Variants in SLAMF6 observed in about 807,000 individuals in gnomAD.
The protein encoded by SLAMF6 is SLAM family member 6.
A neutral mutation model predicts 38.3 loss-of-function variants in SLAMF6; 21 were observed. The ratio of observed to expected loss-of-function variants is 0.55; its 90% CI spans 0.39 to 0.79. The LOEUF is 0.79. Ranked by LOEUF, SLAMF6 falls within the 30% of genes least tolerant of loss-of-function variation. The probability of loss-of-function intolerance (pLI) is 0.00; values close to 1 mark genes in which losing one functional copy is unlikely to be tolerated. For synonymous variants in SLAMF6, 152 were observed against 146.3 expected (o/e 1.04, Z -0.28); for missense variants, 341 against 385.3 (o/e 0.89, Z 0.96).
At chr1:160,494,671 G>A (rs924104665) in intron 2 of SLAMF6, among the ~76,000 whole-genome samples, 2 of 152,152 alleles carry the variant, frequency 1.3e-5, no homozygotes, top group Non-Finnish European at 2.9e-5. Context: ...CAGAAAAGAA[G>A]GAGGCAACCT....
At chr1:160,494,093 G>T (rs1467405107) in intron 2 of SLAMF6, among the ~76,000 whole-genome samples, 1 of 152,084 alleles carries the variant, frequency 6.6e-6, no homozygotes, top group Non-Finnish European at 1.5e-5. Flanking sequence ...TCAAATCTTT[G>T]CCATTCATAT....
In SLAMF6 at chr1:160,496,342, A is replaced by C. The variant is rs780850874; in HGVS notation, c.101T>G (p.Leu34Arg). ...CAGGGGAAGAGTTACTGACTCCCCC[A>C]GAATCCCGTTCACCATCAATGGGGT... is the stretch of plus-strand genomic sequence containing the variant. ...SLTPLMVNGILGESVTLPLEF... is the reference protein window; with the variant it reads ...SLTPLMVNGIRGESVTLPLEF... Residue 34 changes from leucine (L) to arginine (R), a missense_variant, in exon 2 of 8, where the codon CTG becomes CGG. By Grantham distance (102) the Leu-to-Arg change is moderately radical. Coordinates refer to ENST00000368057, the MANE Select transcript of SLAMF6 (RefSeq NM_001184714.2). 6.2e-7 allele frequency: 1 copy of C among 1,614,010 alleles called. No homozygotes were observed. Among genetic ancestry groups the C allele is most frequent in the Non-Finnish European group, 8.5e-7 (1 of 1,179,900 alleles).
At chr1:160,507,589 T>C (rs1438252361) in intron 1 of SLAMF6, among the ~76,000 whole-genome samples, 1 of 152,062 alleles carries the variant, frequency 6.6e-6, no homozygotes, top group Non-Finnish European at 1.5e-5. Flanking sequence ...AAAATATACA[T>C]TTTCCTCAAA....
intron 4 of SLAMF6, 129 bp from the exon 5 acceptor site, chr1:160,490,365 G>A (rs1290880962): frequency 1.4e-5 from 20 of 1,455,902 alleles, no homozygotes; most frequent in Non-Finnish European, 1.8e-5. Flanking sequence ...CTGAGACAGG[G>A]TCCCACTTTT....
chr1:160,507,692 C>G (rs1654263271), intron 1 of SLAMF6, among the ~76,000 whole-genome samples: 1 of 152,006 alleles, frequency 6.6e-6, no homozygotes, highest in Non-Finnish European at 1.5e-5. Flanking sequence ...ATGATGTCTT[C>G]TATGACCATA....
At chr1:160,510,429 G>T (rs2102056541) in intron 1 of SLAMF6, among the ~76,000 whole-genome samples, 1 of 152,092 alleles carries the variant, frequency 6.6e-6, no homozygotes, top group Middle Eastern at 3.4e-3. Flanking sequence ...TGCAAAAGTG[G>T]TTCAATACAT....
chr1:160,498,077 T>G (rs948355814), intron 1 of SLAMF6, among the ~76,000 whole-genome samples: 1 of 152,128 alleles, frequency 6.6e-6, no homozygotes, highest in Non-Finnish European at 1.5e-5. Flanking sequence ...CAGTGAAAAT[T>G]TATATTTCCC....
In SLAMF6 at chr1:160,485,423, T is replaced by C. The variant is rs141239777; in HGVS notation, c.*1284A>G. The C allele has an allele frequency of 6.6e-6, 1 of 152,092 alleles. No homozygotes were observed. The highest frequency in any genetic ancestry group is 2.1e-4 in the South Asian group (1 of 4,824). 9.4% of individuals were successfully genotyped at this position (152,092 alleles called of 1,614,324 possible). A position where few individuals can be genotyped will look rare whatever the true frequency, so the allele number is the denominator to read the frequency against. On this transcript the variant is annotated 3_prime_UTR_variant, in exon 8 of 8. Transcript: ENST00000368057. ...GAGGTGACATATTTAAAATTAAACC[T>C]AAAGAATAGGAGGACCCCAGCAGGC... is the stretch of plus-strand genomic sequence containing the variant.
At chr1:160,502,374 T>G (rs1213676122) in intron 1 of SLAMF6, among the ~76,000 whole-genome samples, 1 of 152,198 alleles carries the variant, frequency 6.6e-6, no homozygotes, top group African/African-American at 2.4e-5. Context: ...AAGGTGATGC[T>G]GAGGTCTTGC....
At chr1:160,502,711 G>C (rs55917218) in intron 1 of SLAMF6, among the ~76,000 whole-genome samples, 37,876 of 152,100 alleles carry the variant, frequency 0.25, 5,380 homozygotes, top group Middle Eastern at 0.39. Flanking sequence ...CTGAAAAAGA[G>C]AGAAAAGTCA....
chr1:160,510,434 A>G (rs1654413404), intron 1 of SLAMF6, among the ~76,000 whole-genome samples: 1 of 152,194 alleles, frequency 6.6e-6, no homozygotes, highest in Admixed American at 6.5e-5. Context: ...AAGTGGTTCA[A>G]TACATGAAAA....
intron 6 of SLAMF6, 59 bp downstream of exon 6, chr1:160,489,029 G>C: frequency 2.7e-6 from 4 of 1,471,530 alleles, no homozygotes; most frequent in Non-Finnish European, 3.8e-6. Flanking sequence ...ATGGTGACAA[G>C]TTTGTGAACA....
chr1:160,502,834 G>T (rs1343886336), intron 1 of SLAMF6, among the ~76,000 whole-genome samples: 1 of 152,124 alleles, frequency 6.6e-6, no homozygotes, highest in Admixed American at 6.5e-5. Context: ...AAAGAGAGTA[G>T]GGGCTGATTT....
chr1:160,488,495 G>A (rs916623761), intron 6 of SLAMF6, among the ~76,000 whole-genome samples: 1 of 152,164 alleles, frequency 6.6e-6, no homozygotes, highest in African/African-American at 2.4e-5. Context: ...TTATTTAGGG[G>A]TGGTGGGGAG....
Position 160,486,623 on chromosome 1 carries a change from G to C in SLAMF6, c.*84C>G. ...TCAAATTCTGTTGCCAGGAACAACA[G>C]GAACCAAGCTTCCTGTTCTTTGTTC... On this transcript the variant is annotated 3_prime_UTR_variant, in exon 8 of 8. Transcript: ENST00000368057. 1 of 1,413,632 alleles carries C rather than the reference G, an allele frequency of 7.1e-7. No individual in the cohort carries two copies. The highest frequency in any genetic ancestry group is 1.0e-6 in the Non-Finnish European group (1 of 1,002,668). The allele number at this position is 1,413,632 out of a possible 1,614,324, so 87.6% of individuals were successfully genotyped here.
At chr1:160,507,879 C>G (rs1188327372) in intron 1 of SLAMF6, among the ~76,000 whole-genome samples, 2 of 151,760 alleles carry the variant, frequency 1.3e-5, no homozygotes, top group East Asian at 1.9e-4. Context: ...TGGGATGGAG[C>G]AAAAGTAGTG....
intron 1 of SLAMF6, among the ~76,000 whole-genome samples, chr1:160,499,285 C>A (rs557163096): frequency 2.5e-4 from 38 of 152,246 alleles, no homozygotes; most frequent in Non-Finnish European, 3.4e-4. Flanking sequence ...TATGGCTAGC[C>A]AGTTATCCAG....
intron 3 of SLAMF6, 145 bp from the exon 4 acceptor site, chr1:160,490,830 G>A: frequency 7.7e-7 from 1 of 1,290,930 alleles, no homozygotes; most frequent in Non-Finnish European, 1.0e-6. Flanking sequence ...GGAGTCCTAT[G>A]TGGCAGGCAG....
At chr1:160,493,881 C>T (rs1390438421) in intron 2 of SLAMF6, among the ~76,000 whole-genome samples, 1 of 152,010 alleles carries the variant, frequency 6.6e-6, no homozygotes, top group Non-Finnish European at 1.5e-5. Flanking sequence ...CAAGGAAGTG[C>T]CACGCTTAAT....
Sources: gnomAD v4.1 joint callset for allele counts (sites outside exome capture counted in the v4.1 genomes callset) on GRCh38, gnomAD v4.1.1 for gene constraint, MANE v1.5 for transcripts, NCBI Gene and HGNC (gene_info 2026-07-23, HGNC 2026-07-21) for gene names.